The following ODAD4 variants were observed in gnomAD, a reference collection of about 807,000 sequenced individuals.
ODAD4 encodes outer dynein arm docking complex subunit 4.
Under a neutral mutation model 51.8 loss-of-function variants are expected in ODAD4, and 49 were observed. The ratio of observed to expected loss-of-function variants is 0.95; its 90% CI spans 0.75 to 1.20. The LOEUF (loss-of-function observed/expected upper bound fraction) is 1.20. Among genes scored for constraint, ODAD4 ranks in the 50% most tolerant of loss-of-function variants. ODAD4 has a pLI of 0.00. For missense variants in ODAD4, 590 were observed against 586.5 expected, an observed-to-expected ratio of 1.01 and a Z score of -0.06; for synonymous variants, 235 against 221.3, an observed-to-expected ratio of 1.06 and a Z score of -0.55.
intron 4 of ODAD4, 62 bp downstream of exon 4, chr17:41,936,596 G>T: frequency 6.5e-7 from 1 of 1,540,630 alleles, no homozygotes; most frequent in Non-Finnish European, 9.0e-7. Context: ...TGCCTGAGAA[G>T]GGGTCTTGGG....
chr17:41,938,693 G>T lies in ODAD4; in HGVS notation c.762G>T (p.Leu254=), dbSNP rs782435915. 3.1e-6 allele frequency: 5 copies of T among 1,613,960 alleles called. No homozygotes were observed. Among genetic ancestry groups the T allele is most frequent in the Non-Finnish European group, 4.2e-6 (5 of 1,179,896 alleles). ...PIYARERDRK[L]MQEKWLRDHK... ...ACGCCAGGGAGCGGGACCGGAAGCT[G>T]ATGCAAGAGAAATGGCTGCGGGACC... The change falls in exon 6 of 12, where the codon CTG becomes CTT. Residue 254 remains leucine, a synonymous_variant. Transcript: ENST00000377540.
chr17:41,965,397 G>C lies in ODAD4; in HGVS notation c.1933G>C (p.Glu645Gln), dbSNP rs2050868503. Residue 645 changes from glutamate (E) to glutamine (Q), a missense_variant, in exon 12 of 12, where the codon GAG (glutamate) becomes CAG (glutamine). Transcript: ENST00000377540. ...LKKLSEVGRREPEELGKTQFG... is the reference protein window; with the variant it reads ...LKKLSEVGRRQPEELGKTQFG... ...GAAACTTTCAGAAGTGGGCAGAAGAGAGCCAGAAGAACTGGGAAAAACACA... is the reference window on the plus strand; with the variant it reads ...GAAACTTTCAGAAGTGGGCAGAAGACAGCCAGAAGAACTGGGAAAAACACA... 2 of 780,228 alleles carry C rather than the reference G, an allele frequency of 2.6e-6. No homozygotes were observed. The highest frequency in any genetic ancestry group is 4.8e-6 in the Non-Finnish European group (2 of 417,870). 48.3% of individuals were successfully genotyped at this position (780,228 alleles called of 1,614,324 possible).
At position 41,955,256 on chromosome 17, in the gene ODAD4, A is replaced by T; in HGVS notation, c.1382A>T (p.Glu461Val). ...TTCGAGTCAGCCGTGAACAATTTTG[A>T]GAAGGCCCTGGAGAGAGCAAAGCTT... ...RDFESAVNNF[E>V]KALERAKLVH... The change falls in exon 10 of 12, where the codon GAG becomes GTG. Residue 461 changes from glutamate to valine, a missense_variant. Physicochemically the swap from Glu to Val is moderately radical, Grantham distance 121. Around this residue, in one of 3 missense-constraint regions of ODAD4, gnomAD observed 226 missense variants for 162.7 expected, o/e 1.39. Transcript: ENST00000377540. 1.3e-6 allele frequency: 1 copy of T among 780,024 alleles called. No homozygotes were observed. Among genetic ancestry groups the T allele is most frequent in the Non-Finnish European group, 2.4e-6 (1 of 417,692 alleles). 48.3% of individuals were successfully genotyped at this position (780,024 alleles called of 1,614,324 possible). A position where few individuals can be genotyped will look rare whatever the true frequency, so the allele number is the denominator to read the frequency against.
At chr17:41,948,321 C>T (rs1436378293) in intron 8 of ODAD4, among the ~76,000 whole-genome samples, 3 of 139,260 alleles carry the variant, frequency 2.2e-5, no homozygotes, top group South Asian at 2.2e-4. Flanking sequence ...TCTTTCTTTC[C>T]TTTTTTTTTT....
chr17:41,959,952 C>A (rs893999998), intron 10 of ODAD4, among the ~76,000 whole-genome samples: 1 of 152,212 alleles, frequency 6.6e-6, no homozygotes, highest in Non-Finnish European at 1.5e-5. Flanking sequence ...AGCATGTTGT[C>A]GTCCTCGTCA....
At position 41,964,717 on chromosome 17, in the gene ODAD4, C is replaced by G. The variant is rs536511976; in HGVS notation, c.1529-276C>G. On this transcript the variant is annotated intron_variant, in intron 11 of 11. Transcript: ENST00000377540. Reference sequence around the variant, plus strand: ...GCAGTGCAGTGGCTGGATTTTGGCTCATCACAGCCCCAACCTCCTGGGCTC... The same window carrying G: ...GCAGTGCAGTGGCTGGATTTTGGCTGATCACAGCCCCAACCTCCTGGGCTC... Among the ~76,000 whole-genome samples the G allele has an allele frequency of 6.6e-5, 10 of 152,176 alleles. No homozygotes were observed. The East Asian group carries it at 1.9e-3, about 29-fold the overall frequency.
At chr17:41,935,872 G>C in intron 3 of ODAD4, 123 bp downstream of exon 3, 1 of 1,185,170 alleles carries the variant, frequency 8.4e-7, no homozygotes, top group Non-Finnish European at 1.2e-6. Flanking sequence ...CCTACACCTG[G>C]ATTTGGCTGC....
At position 41,935,282 on chromosome 17, in the gene ODAD4, G is replaced by C; in HGVS notation, c.180G>C (p.Met60Ile). The part of the protein sequence containing the change: ...LVARSKCFLK[M>I]GDLERSLKDA... ...CTCGCTCAAAGTGCTTCCTGAAGAT[G>C]GGAGACTTGGAGAGATCCCTGAAGG... Residue 60 changes from methionine (M) to isoleucine (I), a missense_variant, in exon 2 of 12, where the codon ATG becomes ATC. Transcript: ENST00000377540. The C allele has an allele frequency of 2.5e-6, 4 of 1,614,002 alleles. No homozygotes were observed. The highest frequency in any genetic ancestry group is 3.4e-6 in the Non-Finnish European group (4 of 1,179,900).
At chr17:41,955,627 T>C (rs1165497135) in intron 10 of ODAD4, among the ~76,000 whole-genome samples, 1 of 151,958 alleles carries the variant, frequency 6.6e-6, no homozygotes, top group Non-Finnish European at 1.5e-5. Flanking sequence ...AGGGTTTCAC[T>C]GTTAGCCAGG....
chr17:41,952,191 AC>A (rs1312379158), intron 9 of ODAD4, among the ~76,000 whole-genome samples: 6 of 151,726 alleles, frequency 4.0e-5, no homozygotes, highest in Non-Finnish European at 7.4e-5. Context: ...ACATAGTGAA[AC>A]CCCATCTCTA....
At chr17:41,952,662 C>A in intron 9 of ODAD4, 2 of 516,818 alleles carry the variant, frequency 3.9e-6, no homozygotes, top group South Asian at 2.8e-5. Context: ...TCCCACTGGT[C>A]TTGAAAGGAA....
intron 9 of ODAD4, among the ~76,000 whole-genome samples, chr17:41,950,473 C>A (rs1432389619): frequency 6.6e-6 from 1 of 151,358 alleles, no homozygotes; most frequent in Non-Finnish European, 1.5e-5. Flanking sequence ...ACCTCTGCCT[C>A]ATGGGTTCAA....
At chr17:41,936,988 T>A in intron 5 of ODAD4, 61 bp downstream of exon 5, 1 of 1,578,614 alleles carries the variant, frequency 6.3e-7, no homozygotes, top group South Asian at 1.1e-5. Context: ...GGATGCTTCA[T>A]GCATGAGCTG....
At chr17:41,937,611 T>C (rs2050446113) in intron 5 of ODAD4, among the ~76,000 whole-genome samples, 1 of 152,188 alleles carries the variant, frequency 6.6e-6, no homozygotes. Context: ...GCTAGGACTA[T>C]AGGCGCCCAC....
chr17:41,956,485 CTTTTTTTTTT>C (rs33985289), intron 10 of ODAD4, among the ~76,000 whole-genome samples: 2 of 110,944 alleles, frequency 1.8e-5, no homozygotes, highest in Non-Finnish European at 3.5e-5. Context: ...CATGCCCGGC[CTTTTTTTTTT>C]TTTTTTTTTT....
chr17:41,962,729 C>G (rs546290840), intron 11 of ODAD4, among the ~76,000 whole-genome samples: 1 of 152,196 alleles, frequency 6.6e-6, no homozygotes, highest in Non-Finnish European at 1.5e-5. Flanking sequence ...CACACTGTTT[C>G]TAGTGACACA....
chr17:41,931,433 C>G (rs2050336168), intron 1 of ODAD4, among the ~76,000 whole-genome samples: 1 of 152,218 alleles, frequency 6.6e-6, no homozygotes, highest in South Asian at 2.1e-4. Flanking sequence ...ACAGAGCAGC[C>G]TTACCTTCCC....
intron 10 of ODAD4, among the ~76,000 whole-genome samples, chr17:41,959,909 C>A (rs1317634185): frequency 6.6e-6 from 1 of 152,238 alleles, no homozygotes; most frequent in Non-Finnish European, 1.5e-5. Flanking sequence ...AGTCTATCCT[C>A]TGCCACCATA....
chr17:41,963,065 C>T (rs1390353656), intron 11 of ODAD4, among the ~76,000 whole-genome samples: 7 of 152,300 alleles, frequency 4.6e-5, no homozygotes, highest in South Asian at 4.1e-4. Flanking sequence ...AGAGACTCTG[C>T]GGGGAAGCAG....
Sources: allele counts gnomAD v4.1 joint callset (sites outside exome capture counted in the v4.1 genomes callset), GRCh38; gene constraint gnomAD v4.1.1; regional missense constraint gnomAD v4.1.1; transcripts MANE v1.5; gene names NCBI Gene and HGNC (gene_info 2026-07-23, HGNC 2026-07-21).